Variants in STARD6 observed in about 807,000 individuals in gnomAD.
STARD6 encodes stAR-related lipid transfer protein 6.
STARD6 carries 21 observed loss-of-function variants against 22.3 expected under a neutral mutation model. The observed-to-expected ratio is 0.94, with a 90% CI of 0.67 to 1.35. STARD6 has a LOEUF of 1.35. Ranked by LOEUF, STARD6 falls within the 40% of genes most tolerant of loss-of-function variation. The probability of loss-of-function intolerance (pLI) is 0.00; values close to 1 mark genes in which losing one functional copy is unlikely to be tolerated. For missense variants in STARD6, 269 were observed against 266.9 expected (o/e 1.01, Z -0.05); for synonymous variants, 80 against 88.1 (o/e 0.91, Z 0.52).
Position 54,343,480 on chromosome 18 carries a change from G to A in STARD6, c.141-6229C>T, listed in dbSNP as rs1243533955. 3.6e-5 allele frequency among the ~76,000 whole-genome samples: 4 copies of A among 111,132 alleles called. No homozygotes were observed. In the East Asian group the frequency reaches 8.0e-4, roughly 22 times the overall value. 72.9% of individuals were successfully genotyped at this position (111,132 alleles called of 152,430 possible). Reference sequence around the variant, plus strand: ...TGGGAGGTGAGGGGCGCCTCTGCCCGGCCGCCCCTACTGGGAAGTGAGGAG... The same window carrying A: ...TGGGAGGTGAGGGGCGCCTCTGCCCAGCCGCCCCTACTGGGAAGTGAGGAG... On this transcript the variant is annotated intron_variant, in intron 4 of 7. Transcript: ENST00000307844.
intron 4 of STARD6, among the ~76,000 whole-genome samples, chr18:54,350,644 T>A (rs1201020677): frequency 6.6e-6 from 1 of 152,230 alleles, no homozygotes; most frequent in Admixed American, 6.5e-5. Flanking sequence ...TGATCCATCT[T>A]GAGTACATTT....
At chr18:54,325,704 T>G (rs1030190824) in intron 7 of STARD6, among the ~76,000 whole-genome samples, 3 of 152,042 alleles carry the variant, frequency 2.0e-5, no homozygotes, top group African/African-American at 7.2e-5. Flanking sequence ...TGCCCAATCA[T>G]GCCTGGCTAG....
At chr18:54,342,070 C>A in intron 4 of STARD6, among the ~76,000 whole-genome samples, 1 of 151,766 alleles carries the variant, frequency 6.6e-6, no homozygotes, top group Non-Finnish European at 1.5e-5. Flanking sequence ...CAAGACTGAC[C>A]CTATACAAAT....
Position 54,354,476 on chromosome 18 carries a change from T to C in STARD6, c.90+8A>G. 8.2e-6 allele frequency: 13 copies of C among 1,593,224 alleles called. No individual in the cohort carries two copies. The highest frequency in any genetic ancestry group is 1.0e-5 in the Non-Finnish European group (12 of 1,166,292). On this transcript the variant is annotated splice_region_variant and intron_variant, in intron 3 of 7. Transcript: ENST00000307844. Reference sequence around the variant, plus strand: ...AGTCTTGAAACATAATTTAACTTATTTTCTTACTGAAGTTTTAACCACTTT... The same window carrying C: ...AGTCTTGAAACATAATTTAACTTATCTTCTTACTGAAGTTTTAACCACTTT...
At chr18:54,346,747 C>A (rs906811759) in intron 4 of STARD6, among the ~76,000 whole-genome samples, 3 of 152,016 alleles carry the variant, frequency 2.0e-5, no homozygotes, top group African/African-American at 7.2e-5. Context: ...CTGACACAAG[C>A]TACAACATGG....
intron 1 of STARD6, among the ~76,000 whole-genome samples, chr18:54,356,791 C>G (rs1220802867): frequency 1.3e-5 from 2 of 152,172 alleles, no homozygotes; most frequent in Admixed American, 6.5e-5. Context: ...TATAAAACAC[C>G]GTTCTTGATT....
At chr18:54,334,650 C>T (rs909193312) in intron 5 of STARD6, among the ~76,000 whole-genome samples, 1 of 151,892 alleles carries the variant, frequency 6.6e-6, no homozygotes, top group Non-Finnish European at 1.5e-5. Context: ...TGTCTGTCTC[C>T]CTAACCTCCA....
intron 7 of STARD6, among the ~76,000 whole-genome samples, chr18:54,326,193 TATATAAAA>T (rs2088823182): frequency 6.6e-6 from 1 of 152,118 alleles, no homozygotes; most frequent in African/African-American, 2.4e-5. Context: ...TTTACCTTGG[TATATAAAA>T]ATCTTTGAGA....
chr18:54,327,622 A>G (rs772144680), intron 7 of STARD6, among the ~76,000 whole-genome samples: 12 of 152,200 alleles, frequency 7.9e-5, no homozygotes, highest in Non-Finnish European at 1.5e-4. Flanking sequence ...TGTTTAGCGC[A>G]TGCTGGGAAT....
At chr18:54,355,118 T>C (rs1229206428) in intron 2 of STARD6, among the ~76,000 whole-genome samples, 1 of 152,180 alleles carries the variant, frequency 6.6e-6, no homozygotes, top group Non-Finnish European at 1.5e-5. Context: ...CCTCTTCAAA[T>C]ATACCTCCTA....
At chr18:54,330,049 G>A (rs1446298801) in intron 6 of STARD6, among the ~76,000 whole-genome samples, 1 of 151,752 alleles carries the variant, frequency 6.6e-6, no homozygotes, top group African/African-American at 2.4e-5. Flanking sequence ...AATGCAGAGG[G>A]GGGTGGTTTA....
At chr18:54,353,339 T>C (rs2089114734) in intron 4 of STARD6, among the ~76,000 whole-genome samples, 1 of 152,206 alleles carries the variant, frequency 6.6e-6, no homozygotes, top group Non-Finnish European at 1.5e-5. Context: ...TAAAAGTATA[T>C]TTAAAAGAAG....
Position 54,337,205 on chromosome 18 carries a change from C to T in STARD6, c.187G>A (p.Asp63Asn). ...CTGTCTCCAGTTTGGTAGAGGAAATCAGATAGTTTAGCTGGTGATTCTGGA... is the reference window on the plus strand; with the variant it reads ...CTGTCTCCAGTTTGGTAGAGGAAATTAGATAGTTTAGCTGGTGATTCTGGA... ...IIPESPAKLS[D>N]FLYQTGDRIT... Residue 63 changes from aspartate (D) to asparagine (N), a missense_variant, in exon 5 of 8, where the codon GAT becomes AAT. Coordinates refer to ENST00000307844, the MANE Select transcript of STARD6 (RefSeq NM_139171.2). 6.2e-7 allele frequency: 1 copy of T among 1,613,460 alleles called. No individual in the cohort carries two copies. Among genetic ancestry groups the T allele is most frequent in the Non-Finnish European group, 8.5e-7 (1 of 1,179,642 alleles).
At position 54,354,599 on chromosome 18, in the gene STARD6, A is replaced by G. The variant is rs1402074592; in HGVS notation, c.-4-22T>C. 1.9e-6 allele frequency: 3 copies of G among 1,550,036 alleles called. No individual in the cohort carries two copies. The South Asian group carries it at 3.4e-5, about 18-fold the overall frequency. The stretch of plus-strand genomic sequence containing the variant: ...CTATCTGCAAGTTTTAAAAACAAAC[A>G]ACTGGTAAGAATATAACCATATAAA... On this transcript the variant is annotated intron_variant, in intron 2 of 7. Transcript: ENST00000307844.
chr18:54,345,745 C>T (rs1376798637), intron 4 of STARD6, among the ~76,000 whole-genome samples: 1 of 152,114 alleles, frequency 6.6e-6, no homozygotes, highest in East Asian at 1.9e-4. Flanking sequence ...GAGAGATCAA[C>T]TGAATATAAT....
chr18:54,327,692 T>C (rs2088835324), intron 7 of STARD6, among the ~76,000 whole-genome samples: 2 of 152,206 alleles, frequency 1.3e-5, no homozygotes, highest in African/African-American at 2.4e-5. Context: ...AAAATTTTAA[T>C]GTCAACTTAA....
At chr18:54,337,350 A>C in intron 4 of STARD6, 99 bp from the exon 5 acceptor site, 1 of 1,116,644 alleles carries the variant, frequency 9.0e-7, no homozygotes, top group Non-Finnish European at 1.2e-6. Context: ...AATTTAGCAA[A>C]CAGCAATGAA....
intron 4 of STARD6, among the ~76,000 whole-genome samples, chr18:54,351,223 T>C (rs940351161): frequency 2.6e-5 from 4 of 152,220 alleles, no homozygotes; most frequent in African/African-American, 9.6e-5. Context: ...CTTAAGTATT[T>C]CTTTTTTTGC....
chr18:54,356,669 C>A (rs1471059482), intron 1 of STARD6, among the ~76,000 whole-genome samples: 1 of 152,084 alleles, frequency 6.6e-6, no homozygotes, highest in African/African-American at 2.4e-5. Flanking sequence ...TAAAGGAACT[C>A]AGTTTAAAAA....
Sources: allele counts gnomAD v4.1 joint callset (sites outside exome capture counted in the v4.1 genomes callset), GRCh38; gene constraint gnomAD v4.1.1; transcripts MANE v1.5; gene names NCBI Gene and HGNC (gene_info 2026-07-23, HGNC 2026-07-21).